Variants in GARIN2 observed in about 807,000 individuals in gnomAD.
GARIN2 encodes Golgi-associated RAB2 interactor protein 2.
At chr14:67,193,604 G>T in the GARIN2 span, among the ~76,000 whole-genome samples, 6 of 141,912 alleles carry the variant, frequency 4.2e-5, no homozygotes, top group Admixed American at 4.2e-4. Context: ...TATATCTATA[G>T]ATATATAGAT....
At chr14:67,202,255 A>T in the GARIN2 span, among the ~76,000 whole-genome samples, 159 of 152,328 alleles carry the variant, frequency 1.0e-3, no homozygotes, top group African/African-American at 3.6e-3. Context: ...AGCCCCACCA[A>T]CATGGTGAAG....
chr14:67,199,881 C>T, the GARIN2 span: 87 of 1,488,588 alleles, frequency 5.8e-5, no homozygotes, highest in African/African-American at 1.0e-3. Context: ...CAGGACATGG[C>T]CCCCCATCGG....
chr14:67,218,601 G>T, the GARIN2 span, among the ~76,000 whole-genome samples: 65 of 152,298 alleles, frequency 4.3e-4, 1 homozygote, highest in East Asian at 0.013. Flanking sequence ...ATGTCCGTCA[G>T]GAGCAACCTG....
chr14:67,192,926 A>G, the GARIN2 span, among the ~76,000 whole-genome samples: 2 of 146,898 alleles, frequency 1.4e-5, no homozygotes, highest in African/African-American at 4.9e-5. Context: ...ATATATGTAT[A>G]TATAGATATC....
At chr14:67,225,074 A>T in the GARIN2 span, 8 of 1,499,824 alleles carry the variant, frequency 5.3e-6, no homozygotes, top group East Asian at 2.5e-5. Flanking sequence ...CTCTCTATTG[A>T]TCTCTCCTTT....
chr14:67,208,291 C>T, the GARIN2 span: 1 of 1,613,976 alleles, frequency 6.2e-7, no homozygotes, highest in Non-Finnish European at 8.5e-7. Context: ...ATGTCACCAT[C>T]TCAAACATAA....
chr14:67,201,846 C>G, the GARIN2 span: 1,051 of 185,626 alleles, frequency 5.7e-3, 18 homozygotes, highest in African/African-American at 0.024. Context: ...AGTGTAGCTC[C>G]TCTCTGCCTT....
the GARIN2 span, chr14:67,228,384 T>C: frequency 2.1e-6 from 1 of 484,988 alleles, no homozygotes; most frequent in Non-Finnish European, 2.7e-6. Context: ...ATTCTCTATT[T>C]CAGACATTTG....
At chr14:67,218,829 G>T in the GARIN2 span, among the ~76,000 whole-genome samples, 4 of 151,938 alleles carry the variant, frequency 2.6e-5, no homozygotes, top group South Asian at 8.3e-4. Context: ...CTCAAGGGTG[G>T]GTTTTCCATG....
At chr14:67,208,834 T>C in the GARIN2 span, among the ~76,000 whole-genome samples, 6 of 150,738 alleles carry the variant, frequency 4.0e-5, no homozygotes, top group Non-Finnish European at 5.9e-5. Flanking sequence ...AAGGCAGAGG[T>C]TGCAGTGAGC....
At chr14:67,190,496 TACAGGCGTGAGCCGTTGTGCCC>T in the GARIN2 span, among the ~76,000 whole-genome samples, 4 of 152,254 alleles carry the variant, frequency 2.6e-5, no homozygotes, top group African/African-American at 9.6e-5. Context: ...GTTCTGGGAT[TACAGGCGTGAGCCGTTGTGCCC>T]GGCCTGTTTT....
chr14:67,225,979 GCA>G, the GARIN2 span, among the ~76,000 whole-genome samples: 1 of 144,764 alleles, frequency 6.9e-6, no homozygotes, highest in African/African-American at 2.7e-5. Flanking sequence ...GCGCGCGTGC[GCA>G]TGCGCGTGCA....
At chr14:67,227,286 A>G in the GARIN2 span, among the ~76,000 whole-genome samples, 2 of 152,062 alleles carry the variant, frequency 1.3e-5, no homozygotes, top group East Asian at 3.9e-4. Flanking sequence ...CTATAAATAC[A>G]AAAATTAGCC....
At chr14:67,204,660 C>A in the GARIN2 span, 2 of 1,613,766 alleles carry the variant, frequency 1.2e-6, no homozygotes, top group African/African-American at 2.7e-5. Context: ...ATAAACAGGA[C>A]ACCTTGTTTT....
the GARIN2 span, among the ~76,000 whole-genome samples, chr14:67,219,660 A>C: frequency 6.6e-6 from 1 of 152,202 alleles, no homozygotes; most frequent in Non-Finnish European, 1.5e-5. Context: ...CATTATTAGA[A>C]ATGATAAAAA....
the GARIN2 span, chr14:67,200,381 G>T: frequency 1.7e-6 from 1 of 603,078 alleles, no homozygotes; most frequent in East Asian, 3.3e-5. Flanking sequence ...TCGATACCTT[G>T]GACCAATCAG....
At chr14:67,224,484 T>G in the GARIN2 span, among the ~76,000 whole-genome samples, 8 of 151,922 alleles carry the variant, frequency 5.3e-5, no homozygotes, top group Admixed American at 3.9e-4. Flanking sequence ...ATGGTCTCAA[T>G]CTCCTGACCT....
At chr14:67,195,848 A>G in the GARIN2 span, among the ~76,000 whole-genome samples, 2 of 151,868 alleles carry the variant, frequency 1.3e-5, no homozygotes, top group African/African-American at 4.8e-5. Context: ...GGTTCAAGCA[A>G]TTCTCCTGCC....
At chr14:67,193,043 G>C in the GARIN2 span, among the ~76,000 whole-genome samples, 1 of 140,784 alleles carries the variant, frequency 7.1e-6, no homozygotes, top group African/African-American at 2.6e-5. Context: ...TCAATATCTA[G>C]ATATAGATAT....
Sources: gnomAD v4.1 joint callset for allele counts (sites outside exome capture counted in the v4.1 genomes callset) on GRCh38, gnomAD v4.1.1 for gene constraint, MANE v1.5 for transcripts, NCBI Gene and HGNC (gene_info 2026-07-23, HGNC 2026-07-21) for gene names.